ULK4: variants seen among roughly 807,000 people sequenced by gnomAD.
ULK4 encodes unc-51 like kinase 4.
In ULK4, 133 loss-of-function variants were observed where a neutral mutation model predicts 160.6. The ratio of observed to expected loss-of-function variants is 0.83; its 90% CI spans 0.72 to 0.96. The LOEUF (loss-of-function observed/expected upper bound fraction) is 0.96. Among genes scored for constraint, ULK4 ranks in the 40% least tolerant of loss-of-function variants. The probability of loss-of-function intolerance (pLI) is 0.00; values close to 1 mark genes in which losing one functional copy is unlikely to be tolerated. For synonymous variants in ULK4, 534 were observed against 539.8 expected (o/e 0.99, Z 0.15); for missense variants, 1,580 against 1,499.5 (o/e 1.05, Z -0.89).
At chr3:41,882,962 T>C (rs1697577782) in intron 17 of ULK4, among the ~76,000 whole-genome samples, 2 of 152,166 alleles carry the variant, frequency 1.3e-5, no homozygotes, top group South Asian at 4.1e-4. Context: ...AGTAATCATA[T>C]AGGTCACAAT....
At chr3:41,639,528 G>C (rs144471439) in intron 30 of ULK4, among the ~76,000 whole-genome samples, 2,849 of 152,268 alleles carry the variant, frequency 0.019, 82 homozygotes, top group African/African-American at 0.064. Context: ...AGGAGTTCAA[G>C]ACCAGCCTGG....
At chr3:41,409,034 C>T (rs1586455) in intron 34 of ULK4, among the ~76,000 whole-genome samples, 87,080 of 151,800 alleles carry the variant, frequency 0.57, 26,491 homozygotes, top group African/African-American at 0.8. Context: ...GGCAAGTGGA[C>T]TGCATGAGCC....
intron 21 of ULK4, among the ~76,000 whole-genome samples, chr3:41,784,020 G>A (rs754219692): frequency 7.9e-5 from 12 of 152,104 alleles, no homozygotes; most frequent in Non-Finnish European, 4.4e-5. Flanking sequence ...ACTTGATCAG[G>A]TCTTCCAGAA....
chr3:41,771,998 C>G (rs777992224), intron 21 of ULK4, among the ~76,000 whole-genome samples: 2 of 152,192 alleles, frequency 1.3e-5, no homozygotes, highest in Non-Finnish European at 2.9e-5. Context: ...TCCTCAGAAG[C>G]AAGCATGCTC....
rs537786453 is a variant in ULK4, at chr3:41,399,962, G to C, written c.3493-1698C>G. 4.6e-5 allele frequency among the ~76,000 whole-genome samples: 7 copies of C among 152,208 alleles called. No individual in the cohort carries two copies. In the South Asian group the frequency reaches 1.5e-3, roughly 32 times the overall value. On this transcript the variant is annotated intron_variant, in intron 34 of 36. Coordinates refer to ENST00000301831, the MANE Select transcript of ULK4 (RefSeq NM_017886.4). ...TTTAGCTTTTTACTTTGAGGTCTTC[G>C]ATGCATTTTGAGTTAATTTTTATAT...
chr3:41,545,258 A>C (rs1346234557), intron 32 of ULK4, among the ~76,000 whole-genome samples: 4 of 152,134 alleles, frequency 2.6e-5, no homozygotes, highest in African/African-American at 9.7e-5. Context: ...GGCAAATTCG[A>C]GTTTGAGTTT....
At chr3:41,694,950 C>T in intron 27 of ULK4, among the ~76,000 whole-genome samples, 1 of 152,206 alleles carries the variant, frequency 6.6e-6, no homozygotes. Context: ...GCTGCTATAA[C>T]AAATGCCTTA....
chr3:41,577,719 T>C (rs1308735238), intron 31 of ULK4, among the ~76,000 whole-genome samples: 2 of 152,120 alleles, frequency 1.3e-5, no homozygotes, highest in Non-Finnish European at 2.9e-5. Context: ...AGAAATTGAA[T>C]CTCTGAGAAA....
chr3:41,776,414 A>G (rs1249500139), intron 21 of ULK4, among the ~76,000 whole-genome samples: 2 of 150,664 alleles, frequency 1.3e-5, no homozygotes, highest in Non-Finnish European at 2.9e-5. Context: ...TCCTTTTCAT[A>G]TTTTAGTCTT....
chr3:41,619,232 CA>C (rs939460683), intron 30 of ULK4, among the ~76,000 whole-genome samples: 10 of 151,938 alleles, frequency 6.6e-5, no homozygotes, highest in Non-Finnish European at 1.2e-4. Context: ...AAAAAATTAA[CA>C]AGGATATTCA....
chr3:41,477,441 T>C (rs2084176805), intron 32 of ULK4, among the ~76,000 whole-genome samples: 1 of 152,222 alleles, frequency 6.6e-6, no homozygotes, highest in Non-Finnish European at 1.5e-5. Context: ...CCTTCCTGCA[T>C]AGAGGCTTTC....
At chr3:41,432,906 G>A (rs2082947577) in intron 34 of ULK4, among the ~76,000 whole-genome samples, 2 of 151,506 alleles carry the variant, frequency 1.3e-5, no homozygotes, top group Admixed American at 6.6e-5. Context: ...AAAAAACCAT[G>A]GAAGTAGTAG....
intron 1 of ULK4, among the ~76,000 whole-genome samples, chr3:41,957,327 G>A (rs1376101647): frequency 2.0e-5 from 3 of 150,408 alleles, no homozygotes; most frequent in African/African-American, 2.5e-5. Context: ...GGTGGCACAC[G>A]CTTGTAATCC....
chr3:41,903,835 C>G (rs373341585), intron 12 of ULK4, among the ~76,000 whole-genome samples: 1 of 151,602 alleles, frequency 6.6e-6, no homozygotes, highest in East Asian at 1.9e-4. Context: ...TCAAAATGAA[C>G]ACATATGTAT....
intron 30 of ULK4, among the ~76,000 whole-genome samples, chr3:41,655,194 A>G (rs1408013943): frequency 6.6e-6 from 1 of 151,978 alleles, no homozygotes; most frequent in Admixed American, 6.6e-5. Context: ...AATGCTACGC[A>G]GCCATAACAA....
chr3:41,813,750 A>G (rs1295669772), intron 19 of ULK4, among the ~76,000 whole-genome samples: 1 of 152,256 alleles, frequency 6.6e-6, no homozygotes, highest in Non-Finnish European at 1.5e-5. Context: ...TGTGCCATCA[A>G]TATCAGGTTC....
At chr3:41,326,907 G>A (rs1353341670) in intron 35 of ULK4, among the ~76,000 whole-genome samples, 1 of 152,148 alleles carries the variant, frequency 6.6e-6, no homozygotes, top group Non-Finnish European at 1.5e-5. Flanking sequence ...TTAAGAACAG[G>A]ACCTTTAAGG....
chr3:41,613,441 G>C (rs1176060795), intron 31 of ULK4, among the ~76,000 whole-genome samples: 1 of 151,840 alleles, frequency 6.6e-6, no homozygotes, highest in Non-Finnish European at 1.5e-5. Context: ...TGACAACCAG[G>C]TCAACTGGCT....
chr3:41,459,725 C>T (rs1162708303), intron 33 of ULK4, among the ~76,000 whole-genome samples: 2 of 152,088 alleles, frequency 1.3e-5, no homozygotes, highest in Non-Finnish European at 2.9e-5. Flanking sequence ...AAATATTTCA[C>T]ATGTGGAAAT....
Sources: allele counts gnomAD v4.1 joint callset (sites outside exome capture counted in the v4.1 genomes callset), GRCh38; gene constraint gnomAD v4.1.1; transcripts MANE v1.5; gene names NCBI Gene and HGNC (gene_info 2026-07-23, HGNC 2026-07-21).